UNC5D: variants seen among roughly 807,000 people sequenced by gnomAD.
UNC5D encodes the protein netrin receptor UNC5D.
A neutral mutation model predicts 105.4 loss-of-function variants in UNC5D; 39 were observed. That is an observed-to-expected ratio of 0.37 (90% CI 0.29 to 0.48). UNC5D has a LOEUF of 0.48. Ranked by LOEUF, UNC5D falls within the 20% of genes least tolerant of loss-of-function variation. The pLI, the probability that UNC5D is intolerant of heterozygous loss-of-function variation, is 0.98. For synonymous variants in UNC5D, 452 were observed against 450.4 expected (o/e 1.00, Z -0.04); for missense variants, 991 against 1,202.4 (o/e 0.82, Z 2.60).
intron 4 of UNC5D, among the ~76,000 whole-genome samples, chr8:35,678,944 A>G (rs1825468140): frequency 6.6e-6 from 1 of 152,124 alleles, no homozygotes; most frequent in South Asian, 2.1e-4. Context: ...TACAAATGAT[A>G]TAATTATCTT....
chr8:35,732,565 T>C (rs1829249634), intron 11 of UNC5D, among the ~76,000 whole-genome samples: 1 of 152,154 alleles, frequency 6.6e-6, no homozygotes, highest in South Asian at 2.1e-4. Flanking sequence ...TTTTTACCCA[T>C]TAGGTTGATT....
chr8:35,480,340 A>G (rs1280624182), intron 1 of UNC5D, among the ~76,000 whole-genome samples: 3 of 152,164 alleles, frequency 2.0e-5, no homozygotes, highest in Admixed American at 6.5e-5. Flanking sequence ...CAAAACAACC[A>G]TGATACAATC....
At chr8:35,253,473 CTTTTTTTTT>C (rs58063448) in intron 1 of UNC5D, among the ~76,000 whole-genome samples, 6 of 99,848 alleles carry the variant, frequency 6.0e-5, no homozygotes, top group African/African-American at 1.5e-4. Context: ...ATTTTATTTC[CTTTTTTTTT>C]TTTTTTTTTT....
chr8:35,503,052 C>T (rs1053121556), intron 1 of UNC5D, among the ~76,000 whole-genome samples: 2 of 152,112 alleles, frequency 1.3e-5, no homozygotes, highest in African/African-American at 4.8e-5. Context: ...AATCAGTTAT[C>T]CCCAGAACAA....
chr8:35,318,923 C>G (rs1809505549), intron 1 of UNC5D, among the ~76,000 whole-genome samples: 1 of 152,060 alleles, frequency 6.6e-6, no homozygotes, highest in Non-Finnish European at 1.5e-5. Context: ...AAAATTAATA[C>G]TAACTTAGGA....
At chr8:35,433,866 G>A (rs1009151255) in intron 1 of UNC5D, among the ~76,000 whole-genome samples, 3 of 148,844 alleles carry the variant, frequency 2.0e-5, no homozygotes, top group Admixed American at 2.0e-4. Flanking sequence ...AAAAAAGAAA[G>A]AAAAAGAAAA....
At chr8:35,436,240 T>G (rs1807006743) in intron 1 of UNC5D, among the ~76,000 whole-genome samples, 1 of 152,062 alleles carries the variant, frequency 6.6e-6, no homozygotes, top group South Asian at 2.1e-4. Flanking sequence ...AACAATATTT[T>G]GATTATACAC....
At chr8:35,409,251 G>A (rs1805002201) in intron 1 of UNC5D, among the ~76,000 whole-genome samples, 1 of 151,860 alleles carries the variant, frequency 6.6e-6, no homozygotes, top group Admixed American at 6.6e-5. Flanking sequence ...TTTTTCTGGG[G>A]TAAATATCTA....
chr8:35,692,517 C>A (rs1826477993), intron 7 of UNC5D, among the ~76,000 whole-genome samples: 1 of 152,156 alleles, frequency 6.6e-6, no homozygotes, highest in Non-Finnish European at 1.5e-5. Context: ...TGGAATACTT[C>A]TTTTGTTTAT....
chr8:35,759,190 A>C (rs768166703), intron 13 of UNC5D, 130 bp from the exon 14 acceptor site: 45 of 965,140 alleles, frequency 4.7e-5, no homozygotes, highest in Non-Finnish European at 6.7e-5. Flanking sequence ...GTAAAGAAGT[A>C]TGTTTCTCCT....
intron 1 of UNC5D, among the ~76,000 whole-genome samples, chr8:35,523,048 T>G: frequency 6.7e-6 from 1 of 148,428 alleles, no homozygotes; most frequent in African/African-American, 2.6e-5. Flanking sequence ...TAGGAACTAT[T>G]TTTTTTTTAA....
At chr8:35,441,938 C>T (rs759335418) in intron 1 of UNC5D, among the ~76,000 whole-genome samples, 18 of 151,778 alleles carry the variant, frequency 1.2e-4, no homozygotes, top group Non-Finnish European at 2.7e-4. Context: ...ATTCTGATTC[C>T]AGGACCTATT....
rs767329863 is a variant in UNC5D, at chr8:35,792,977, T to C, written c.*2414T>C. 3.5e-5 allele frequency: 16 copies of C among 453,378 alleles called. 1 individual carries two copies. Among genetic ancestry groups the C allele is most frequent in the South Asian group, 2.4e-4 (15 of 63,432 alleles). 28.1% of individuals were successfully genotyped at this position (453,378 alleles called of 1,614,324 possible). On this transcript the variant is annotated 3_prime_UTR_variant, in exon 17 of 17. Coordinates refer to ENST00000404895, the MANE Select transcript of UNC5D (RefSeq NM_080872.4). ...GAGTTACCTCCCATGGATTTTTTTT[T>C]CCTTTGGCCTGGGTTTTATAAACAA...
At chr8:35,732,553 C>CT (rs751877402) in intron 11 of UNC5D, among the ~76,000 whole-genome samples, 14 of 152,110 alleles carry the variant, frequency 9.2e-5, no homozygotes, top group Non-Finnish European at 2.1e-4. Flanking sequence ...GAAGTCACCC[C>CT]TTTTTTACCC....
intron 1 of UNC5D, among the ~76,000 whole-genome samples, chr8:35,451,117 C>T (rs1442657634): frequency 6.9e-6 from 1 of 145,196 alleles, no homozygotes; most frequent in African/African-American, 2.6e-5. Flanking sequence ...AATCTCAGTT[C>T]ACTGCAACCT....
chr8:35,534,375 C>T (rs1225734011), intron 1 of UNC5D, among the ~76,000 whole-genome samples: 1 of 151,970 alleles, frequency 6.6e-6, no homozygotes, highest in Non-Finnish European at 1.5e-5. Flanking sequence ...TATGTGGGTA[C>T]TAAGTGTGCT....
intron 1 of UNC5D, among the ~76,000 whole-genome samples, chr8:35,524,412 CGCA>C (rs1813700732): frequency 6.7e-6 from 1 of 148,188 alleles, no homozygotes; most frequent in South Asian, 2.2e-4. Context: ...CTACAAAGTT[CGCA>C]GCAAGAATCT....
chr8:35,784,948 A>G (rs957693229), intron 16 of UNC5D, among the ~76,000 whole-genome samples: 1 of 152,172 alleles, frequency 6.6e-6, no homozygotes, highest in African/African-American at 2.4e-5. Context: ...AGATGAGGGT[A>G]GTAAGCATTC....
intron 1 of UNC5D, among the ~76,000 whole-genome samples, chr8:35,520,126 T>G (rs1206734473): frequency 1.3e-5 from 2 of 152,094 alleles, no homozygotes; most frequent in Non-Finnish European, 2.9e-5. Context: ...TGAAGAGACA[T>G]AGCAGAATTA....
Sources: allele counts gnomAD v4.1 joint callset (sites outside exome capture counted in the v4.1 genomes callset), GRCh38; gene constraint gnomAD v4.1.1; transcripts MANE v1.5; gene names NCBI Gene and HGNC (gene_info 2026-07-23, HGNC 2026-07-21).